Variants in TTLL5 observed in about 807,000 individuals in gnomAD.
The protein encoded by TTLL5 is tubulin tyrosine ligase like 5.
Under a neutral mutation model 168.4 loss-of-function variants are expected in TTLL5, and 132 were observed. The observed-to-expected ratio is 0.78, with a 90% CI of 0.68 to 0.91. The LOEUF (loss-of-function observed/expected upper bound fraction) is 0.91, where lower values mean the gene tolerates loss of function less well. Ranked by LOEUF, TTLL5 falls within the 40% of genes least tolerant of loss-of-function variation. The pLI is 0.00. For missense variants in TTLL5, 1,545 were observed against 1,581.5 expected (o/e 0.98, Z 0.39); for synonymous variants, 546 against 558.6 (o/e 0.98, Z 0.32).
chr14:75,902,356 C>A (rs977297835), intron 31 of TTLL5, 132 bp downstream of exon 31: 1 of 933,688 alleles, frequency 1.1e-6, no homozygotes, highest in Non-Finnish European at 1.6e-6. Flanking sequence ...AAAACATTGG[C>A]AAATGGGCAT....
At chr14:75,816,000 G>A (rs537076541) in intron 27 of TTLL5, among the ~76,000 whole-genome samples, 9 of 152,368 alleles carry the variant, frequency 5.9e-5, no homozygotes, top group African/African-American at 1.7e-4. Flanking sequence ...GCGCTGGAAG[G>A]CGAACACTCT....
intron 31 of TTLL5, among the ~76,000 whole-genome samples, chr14:75,945,759 A>G (rs1320162962): frequency 6.6e-6 from 1 of 152,214 alleles, no homozygotes; most frequent in Non-Finnish European, 1.5e-5. Flanking sequence ...CAACTAGTGA[A>G]AGATACACAT....
intron 12 of TTLL5, among the ~76,000 whole-genome samples, chr14:75,730,270 T>C (rs964284741): frequency 6.6e-6 from 1 of 152,194 alleles, no homozygotes; most frequent in African/African-American, 2.4e-5. Context: ...TTTTCTCAGG[T>C]TAAAGGGGCA....
chr14:75,752,303 G>C (rs1304952101), intron 17 of TTLL5, among the ~76,000 whole-genome samples: 2 of 152,186 alleles, frequency 1.3e-5, no homozygotes, highest in African/African-American at 2.4e-5. Context: ...TCTGACAAGA[G>C]GATTCTAAGG....
intron 21 of TTLL5, among the ~76,000 whole-genome samples, chr14:75,773,907 C>CATATATAT (rs34160638): frequency 0.034 from 979 of 28,496 alleles, 59 homozygotes; most frequent in Non-Finnish European, 0.053. Flanking sequence ...AAAAAAAATA[C>CATATATAT]ATATATATAT....
At chr14:75,741,577 CT>C in intron 15 of TTLL5, among the ~76,000 whole-genome samples, 1 of 149,424 alleles carries the variant, frequency 6.7e-6, no homozygotes, top group East Asian at 2.0e-4. Context: ...AGTGTGTCTC[CT>C]TGACACTCAT....
chr14:75,770,427 A>G (rs1405452900), intron 20 of TTLL5, among the ~76,000 whole-genome samples: 2 of 152,128 alleles, frequency 1.3e-5, no homozygotes, highest in Non-Finnish European at 2.9e-5. Context: ...CTTTAGCCAA[A>G]TCCTACCTCC....
chr14:75,753,067 A>G, intron 18 of TTLL5, 112 bp downstream of exon 18: 1 of 1,005,088 alleles, frequency 9.9e-7, no homozygotes, highest in Non-Finnish European at 1.5e-6. Context: ...TCTCTGCTAG[A>G]AAAAAAAGTC....
intron 9 of TTLL5, among the ~76,000 whole-genome samples, chr14:75,713,901 AC>A (rs576525767): frequency 1.3e-4 from 20 of 151,944 alleles, no homozygotes; most frequent in Admixed American, 7.2e-4. Flanking sequence ...ATGAAAAATT[AC>A]CTTTTACCCT....
intron 20 of TTLL5, among the ~76,000 whole-genome samples, chr14:75,771,344 G>A (rs958202992): frequency 2.6e-5 from 4 of 152,104 alleles, no homozygotes; most frequent in African/African-American, 4.8e-5. Flanking sequence ...CAAGAATCAC[G>A]TGAATCCAGC....
At chr14:75,772,127 T>C (rs554770568) in intron 21 of TTLL5, among the ~76,000 whole-genome samples, 1 of 152,332 alleles carries the variant, frequency 6.6e-6, no homozygotes, top group Admixed American at 6.5e-5. Flanking sequence ...GAATTGGAAA[T>C]TGATTTCTCA....
At chr14:75,911,503 G>T (rs372678129) in intron 31 of TTLL5, among the ~76,000 whole-genome samples, 1 of 152,316 alleles carries the variant, frequency 6.6e-6, no homozygotes, top group East Asian at 1.9e-4. Flanking sequence ...AGAAGTTGCT[G>T]TATGTATCAT....
intron 3 of TTLL5, among the ~76,000 whole-genome samples, chr14:75,671,137 T>C (rs1883707536): frequency 6.6e-6 from 1 of 152,228 alleles, no homozygotes; most frequent in Admixed American, 6.5e-5. Flanking sequence ...TCCAGTTGTC[T>C]CAGCAAAATT....
chr14:75,700,055 T>C (rs1239617288), intron 7 of TTLL5, among the ~76,000 whole-genome samples: 1 of 152,238 alleles, frequency 6.6e-6, no homozygotes, highest in African/African-American at 2.4e-5. Flanking sequence ...ATAGAATCTC[T>C]TCAGTAACTA....
At chr14:75,676,760 G>A (rs1488505859) in intron 3 of TTLL5, among the ~76,000 whole-genome samples, 1 of 150,962 alleles carries the variant, frequency 6.6e-6, no homozygotes, top group Admixed American at 6.6e-5. Flanking sequence ...AATATTGATA[G>A]CATTTTACTT....
chr14:75,712,987 A>G (rs984066747), intron 9 of TTLL5, among the ~76,000 whole-genome samples: 3 of 152,190 alleles, frequency 2.0e-5, no homozygotes, highest in African/African-American at 7.2e-5. Flanking sequence ...TAACAAAGAA[A>G]GTAGGAACTC....
At chr14:75,677,962 C>G (rs1289872399) in intron 3 of TTLL5, among the ~76,000 whole-genome samples, 1 of 151,996 alleles carries the variant, frequency 6.6e-6, no homozygotes, top group Non-Finnish European at 1.5e-5. Flanking sequence ...CTCTTATTCC[C>G]CATGTAACTG....
chr14:75,934,908 T>C (rs895848461), intron 31 of TTLL5, among the ~76,000 whole-genome samples: 5 of 152,140 alleles, frequency 3.3e-5, no homozygotes, highest in Non-Finnish European at 5.9e-5. Context: ...TTTAAGAACA[T>C]CCGGTGAAGA....
At chr14:75,677,831 T>C (rs1342135581) in intron 3 of TTLL5, among the ~76,000 whole-genome samples, 1 of 151,612 alleles carries the variant, frequency 6.6e-6, no homozygotes, top group Admixed American at 6.6e-5. Flanking sequence ...GAGGTCTCGC[T>C]ATGTTGCCCT....
Sources: gnomAD v4.1 joint callset for allele counts (sites outside exome capture counted in the v4.1 genomes callset) on GRCh38, gnomAD v4.1.1 for gene constraint, MANE v1.5 for transcripts, NCBI Gene and HGNC (gene_info 2026-07-23, HGNC 2026-07-21) for gene names.